ZFPM2: variants seen among roughly 807,000 people sequenced by gnomAD.
ZFPM2 encodes zinc finger protein, FOG family member 2.
ZFPM2 carries 20 observed loss-of-function variants against 98.6 expected under a neutral mutation model. The ratio of observed to expected loss-of-function variants is 0.20; its 90% CI spans 0.14 to 0.29. The LOEUF is 0.29. Ranked by LOEUF, ZFPM2 falls within the 10% of genes least tolerant of loss-of-function variation. The pLI is 1.00. For synonymous variants in ZFPM2, 518 were observed against 502.7 expected (o/e 1.03, Z -0.41); for missense variants, 1,310 against 1,388.6 (o/e 0.94, Z 0.90).
intron 4 of ZFPM2, among the ~76,000 whole-genome samples, chr8:105,596,972 A>G (rs1367180283): frequency 1.3e-5 from 2 of 151,784 alleles, no homozygotes; most frequent in Non-Finnish European, 2.9e-5. Flanking sequence ...GTAAAGTAGA[A>G]TTGAAATTCT....
At chr8:105,431,095 A>G (rs768107031) in intron 2 of ZFPM2, among the ~76,000 whole-genome samples, 1 of 151,438 alleles carries the variant, frequency 6.6e-6, no homozygotes, top group East Asian at 2.0e-4. Flanking sequence ...TTTAGTAGAG[A>G]CTGGGTTTCA....
At chr8:105,421,027 T>A (rs1165783839) in intron 2 of ZFPM2, among the ~76,000 whole-genome samples, 1 of 152,118 alleles carries the variant, frequency 6.6e-6, no homozygotes, top group African/African-American at 2.4e-5. Context: ...AACTTTTCAT[T>A]AAACTTTCAA....
intron 3 of ZFPM2, among the ~76,000 whole-genome samples, chr8:105,530,794 C>T (rs1376988890): frequency 6.6e-6 from 1 of 152,078 alleles, no homozygotes; most frequent in Non-Finnish European, 1.5e-5. Flanking sequence ...CCATAGCAAT[C>T]AGTAACCACT....
chr8:105,474,218 A>C (rs1286929459), intron 3 of ZFPM2, among the ~76,000 whole-genome samples: 1 of 151,964 alleles, frequency 6.6e-6, no homozygotes, highest in Non-Finnish European at 1.5e-5. Context: ...TATATCTGAA[A>C]CTCCCATGCC....
intron 3 of ZFPM2, among the ~76,000 whole-genome samples, chr8:105,556,719 C>T (rs141251204): frequency 0.025 from 3,537 of 142,728 alleles, 179 homozygotes; most frequent in African/African-American, 0.088. Context: ...CTTCCCTTCC[C>T]TCCCCTCCCC....
intron 1 of ZFPM2, among the ~76,000 whole-genome samples, chr8:105,393,069 T>C (rs1304231838): frequency 6.6e-6 from 1 of 152,220 alleles, no homozygotes; most frequent in Non-Finnish European, 1.5e-5. Flanking sequence ...CTCATCTGTG[T>C]GATGAGATAA....
intron 4 of ZFPM2, among the ~76,000 whole-genome samples, chr8:105,628,449 C>G (rs1025684914): frequency 6.6e-6 from 1 of 152,102 alleles, no homozygotes; most frequent in African/African-American, 2.4e-5. Flanking sequence ...GGCAAAAACC[C>G]CACCCTCAAG....
At chr8:105,691,294 T>C (rs1402574670) in intron 5 of ZFPM2, among the ~76,000 whole-genome samples, 1 of 105,492 alleles carries the variant, frequency 9.5e-6, no homozygotes, top group African/African-American at 4.0e-5. Context: ...CAGGCCGGAC[T>C]GCGGACTGCA....
At chr8:105,345,095 A>G (rs1812494071) in intron 1 of ZFPM2, among the ~76,000 whole-genome samples, 1 of 152,192 alleles carries the variant, frequency 6.6e-6, no homozygotes, top group African/African-American at 2.4e-5. Context: ...AGTAATGTAT[A>G]TATGAGGATG....
At chr8:105,626,169 G>T (rs1292167271) in intron 4 of ZFPM2, among the ~76,000 whole-genome samples, 3 of 152,098 alleles carry the variant, frequency 2.0e-5, no homozygotes, top group Admixed American at 1.3e-4. Flanking sequence ...AAGTTGTATA[G>T]TTCCAGTCAC....
chr8:105,603,843 T>C (rs1285960760), intron 4 of ZFPM2, among the ~76,000 whole-genome samples: 1 of 152,032 alleles, frequency 6.6e-6, no homozygotes, highest in East Asian at 1.9e-4. Context: ...TGAAGCACTG[T>C]CAGCACTTGG....
chr8:105,329,299 C>T (rs1586295053), intron 1 of ZFPM2, among the ~76,000 whole-genome samples: 1 of 151,744 alleles, frequency 6.6e-6, no homozygotes, highest in East Asian at 1.9e-4. Flanking sequence ...TGTCGAGCTC[C>T]CACAAGGTGG....
At chr8:105,556,447 A>C (rs1206216187) in intron 3 of ZFPM2, among the ~76,000 whole-genome samples, 1 of 152,180 alleles carries the variant, frequency 6.6e-6, no homozygotes, top group African/African-American at 2.4e-5. Flanking sequence ...TCCTCACAGC[A>C]ACCTTTTTAG....
intron 3 of ZFPM2, among the ~76,000 whole-genome samples, chr8:105,473,910 G>A (rs1321753042): frequency 1.3e-5 from 2 of 152,132 alleles, no homozygotes; most frequent in Admixed American, 6.5e-5. Flanking sequence ...TTTCAATAGT[G>A]GGGAGAGAAT....
intron 1 of ZFPM2, among the ~76,000 whole-genome samples, chr8:105,328,233 A>G (rs535002508): frequency 6.6e-6 from 1 of 151,896 alleles, no homozygotes; most frequent in South Asian, 2.1e-4. Context: ...TGAATGTATT[A>G]TTGGGGGATG....
chr8:105,375,000 T>A (rs1430519583), intron 1 of ZFPM2, among the ~76,000 whole-genome samples: 1 of 152,136 alleles, frequency 6.6e-6, no homozygotes, highest in Non-Finnish European at 1.5e-5. Context: ...AGTCCTAACT[T>A]GCTTTTGATT....
rs151130233 is a variant in ZFPM2, at chr8:105,677,456, C to T, written c.532+43099C>T. On this transcript the variant is annotated intron_variant, in intron 5 of 7. Transcript: ENST00000407775. ...TTAAATCCAAAACTATTCTGCTTAT[C>T]GAATCATCACAAAACAATGATATTG... Among the ~76,000 whole-genome samples, 856 of 152,184 alleles carry T rather than the reference C, an allele frequency of 5.6e-3. 5 individuals carry two copies. Among genetic ancestry groups the T allele is most frequent in the Non-Finnish European group, 8.7e-3 (592 of 67,978 alleles).
intron 4 of ZFPM2, among the ~76,000 whole-genome samples, chr8:105,610,828 G>T (rs1221488376): frequency 6.6e-6 from 1 of 152,162 alleles, no homozygotes; most frequent in East Asian, 1.9e-4. Flanking sequence ...TTTCCTAAGG[G>T]CAGAGAAAAG....
At chr8:105,475,194 C>A (rs1318062605) in intron 3 of ZFPM2, among the ~76,000 whole-genome samples, 2 of 152,184 alleles carry the variant, frequency 1.3e-5, no homozygotes. Context: ...TCTACTAAGT[C>A]ATTTTTAGAG....
Sources: gnomAD v4.1 joint callset for allele counts (sites outside exome capture counted in the v4.1 genomes callset) on GRCh38, gnomAD v4.1.1 for gene constraint, MANE v1.5 for transcripts, NCBI Gene and HGNC (gene_info 2026-07-23, HGNC 2026-07-21) for gene names.